Variants in LHFPL2 observed in about 807,000 individuals in gnomAD.
LHFPL2 encodes LHFPL tetraspan subfamily member 2 protein.
In LHFPL2, 7 loss-of-function variants were observed where a neutral mutation model predicts 17.5. The observed-to-expected ratio is 0.40, with a 90% confidence interval of 0.23 to 0.75. The LOEUF (loss-of-function observed/expected upper bound fraction) is 0.75. LHFPL2 is among the 30% of genes least tolerant of loss of function. LHFPL2 has a pLI of 0.37. For synonymous variants in LHFPL2, 134 were observed against 116.2 expected (o/e 1.15, Z -0.99); for missense variants, 241 against 294.8 (o/e 0.82, Z 1.34).
At chr5:78,556,490 A>G (rs1756574890) in intron 3 of LHFPL2, among the ~76,000 whole-genome samples, 1 of 152,228 alleles carries the variant, frequency 6.6e-6, no homozygotes. Flanking sequence ...TTAGGGGGAC[A>G]TACAATGGGT....
chr5:78,637,807 C>A (rs1745508370), intron 1 of LHFPL2, among the ~76,000 whole-genome samples: 1 of 152,208 alleles, frequency 6.6e-6, no homozygotes, highest in Admixed American at 6.5e-5. Flanking sequence ...GTATCAGAGT[C>A]TGTATTTTAA....
chr5:78,510,087 C>A lies in LHFPL2; in HGVS notation c.127G>T (p.Gly43Cys). The A allele has an allele frequency of 1.2e-6, 2 of 1,612,592 alleles. No individual in the cohort carries two copies. The highest frequency in any genetic ancestry group is 1.7e-6 in the Non-Finnish European group (2 of 1,179,408). Residue 43 changes from glycine (G) to cysteine (C), a missense_variant, in exon 4 of 5, where the codon GGC becomes TGC. Coordinates refer to ENST00000380345, the MANE Select transcript of LHFPL2 (RefSeq NM_005779.3). ...WLIGKARSRG[G>C]VEPAGPGGGS... ...CCGCCCGGGCCCGCCGGCTCCACGC[C>A]GCCGCGGCTCCTCGCTTTCCCGATC...
chr5:78,501,626 C>G (rs1754777235), intron 4 of LHFPL2, among the ~76,000 whole-genome samples: 1 of 152,180 alleles, frequency 6.6e-6, no homozygotes, highest in Non-Finnish European at 1.5e-5. Flanking sequence ...AGTTGCTATT[C>G]ACAGACGTGA....
At chr5:78,645,591 CAT>C (rs1554062310) in intron 1 of LHFPL2, among the ~76,000 whole-genome samples, 34 of 126,682 alleles carry the variant, frequency 2.7e-4, no homozygotes, top group African/African-American at 8.7e-4. Context: ...CACACACACA[CAT>C]TTTTTTTGAG....
chr5:78,622,086 G>T (rs1390414182), intron 2 of LHFPL2, among the ~76,000 whole-genome samples: 2 of 152,074 alleles, frequency 1.3e-5, no homozygotes, highest in Non-Finnish European at 2.9e-5. Context: ...TAAAAGCATA[G>T]GAAGCCCCGG....
intron 1 of LHFPL2, among the ~76,000 whole-genome samples, chr5:78,646,168 A>G (rs144257345): frequency 6.6e-6 from 1 of 152,312 alleles, no homozygotes; most frequent in Non-Finnish European, 1.5e-5. Flanking sequence ...TGCCTGCACT[A>G]CAAACTCCCT....
chr5:78,529,029 C>T (rs1755701092), intron 3 of LHFPL2, among the ~76,000 whole-genome samples: 1 of 152,026 alleles, frequency 6.6e-6, no homozygotes, highest in Non-Finnish European at 1.5e-5. Flanking sequence ...CCTGTAATCC[C>T]ACCACTTTGA....
rs1754277264 is a variant in LHFPL2, at chr5:78,487,210, T to TCA, written c.*1685_*1686dup. ...CCTTAATCTGTGAGAAGATGGTTTC[T>TCA]CATATAGGCCAAACACCAGAATGTA... On this transcript the variant is annotated 3_prime_UTR_variant, in exon 5 of 5. Coordinates refer to ENST00000380345, the MANE Select transcript of LHFPL2 (RefSeq NM_005779.3). The TCA allele has an allele frequency of 6.6e-6, 1 of 152,200 alleles. No homozygotes were observed. Among genetic ancestry groups the TCA allele is most frequent in the South Asian group, 2.1e-4 (1 of 4,832 alleles). 9.4% of individuals were successfully genotyped at this position (152,200 alleles called of 1,614,324 possible).
At chr5:78,514,527 G>A (rs1028975225) in intron 3 of LHFPL2, among the ~76,000 whole-genome samples, 1 of 152,204 alleles carries the variant, frequency 6.6e-6, no homozygotes, top group African/African-American at 2.4e-5. Context: ...CAGTAGAGCT[G>A]AGCCGGGGTT....
intron 1 of LHFPL2, chr5:78,642,145 T>C (rs952711129): frequency 2.0e-5 from 3 of 152,136 alleles, no homozygotes; most frequent in Non-Finnish European, 2.9e-5. Context: ...CTCTGGTCTC[T>C]CTTCCTTTTC....
Position 78,609,450 on chromosome 5 carries a change from C to CAAAAAAAAAAAAAA in LHFPL2, c.-245+22800_-245+22813dup, listed in dbSNP as rs71613975. Among the ~76,000 whole-genome samples the CAAAAAAAAAAAAAA allele has an allele frequency of 6.1e-4, 25 of 40,676 alleles. 2 individuals carry two copies. Among genetic ancestry groups the CAAAAAAAAAAAAAA allele is most frequent in the African/African-American group, 2.1e-3 (25 of 11,678 alleles). 26.7% of individuals were successfully genotyped at this position (40,676 alleles called of 152,430 possible). ...TGGGAAACAGAGCGAGACTCAGTCT[C>CAAAAAAAAAAAAAA]AAAAAAAAAAAAAAAAAAAAAAAAA... is the stretch of plus-strand genomic sequence containing the variant. On this transcript the variant is annotated intron_variant, in intron 2 of 4. Coordinates refer to ENST00000380345, the MANE Select transcript of LHFPL2 (RefSeq NM_005779.3).
At position 78,616,828 on chromosome 5, in the gene LHFPL2, G is replaced by A. The variant is rs1259553214; in HGVS notation, c.-245+15436C>T. On this transcript the variant is annotated intron_variant, in intron 2 of 4. Transcript: ENST00000380345. ...GACAACCTGGACTGGTTTGCATTTCGGCAGAGATCTGCAAAAAGACAGCTT... is the reference window on the plus strand; with the variant it reads ...GACAACCTGGACTGGTTTGCATTTCAGCAGAGATCTGCAAAAAGACAGCTT... 5.3e-5 allele frequency among the ~76,000 whole-genome samples: 8 copies of A among 152,046 alleles called. No individual in the cohort carries two copies. In the East Asian group the frequency reaches 5.8e-4, roughly 11 times the overall value.
intron 4 of LHFPL2, among the ~76,000 whole-genome samples, chr5:78,503,040 G>A (rs554908875): frequency 0.011 from 182 of 17,036 alleles, no homozygotes; most frequent in African/African-American, 0.042. Flanking sequence ...AAGCTACTGG[G>A]AAGACCATCT....
At chr5:78,620,816 A>G (rs1042845316) in intron 2 of LHFPL2, among the ~76,000 whole-genome samples, 1 of 152,246 alleles carries the variant, frequency 6.6e-6, no homozygotes, top group Admixed American at 6.5e-5. Flanking sequence ...AAGCAGCTCC[A>G]AACTATTCTC....
intron 3 of LHFPL2, among the ~76,000 whole-genome samples, chr5:78,529,326 C>A (rs1266198269): frequency 2.6e-5 from 4 of 152,126 alleles, no homozygotes; most frequent in Non-Finnish European, 5.9e-5. Flanking sequence ...CAGACCAACA[C>A]CTGGAATCCT....
At chr5:78,579,940 T>G (rs533337963) in intron 2 of LHFPL2, among the ~76,000 whole-genome samples, 3,661 of 152,278 alleles carry the variant, frequency 0.024, 139 homozygotes, top group African/African-American at 0.081. Flanking sequence ...TTCCACAATG[T>G]TTGAACTAGT....
chr5:78,611,032 G>A (rs1042064859), intron 2 of LHFPL2, among the ~76,000 whole-genome samples: 2 of 151,850 alleles, frequency 1.3e-5, no homozygotes, highest in African/African-American at 4.8e-5. Context: ...TTACTGAGAA[G>A]GGAAAAAAAA....
intron 3 of LHFPL2, among the ~76,000 whole-genome samples, chr5:78,561,048 T>C (rs1039243811): frequency 6.6e-6 from 1 of 152,230 alleles, no homozygotes; most frequent in Non-Finnish European, 1.5e-5. Flanking sequence ...AAATTATTAA[T>C]GGAATTTGTA....
intron 2 of LHFPL2, among the ~76,000 whole-genome samples, chr5:78,602,561 T>C (rs1043259337): frequency 3.9e-5 from 6 of 152,180 alleles, no homozygotes; most frequent in African/African-American, 1.4e-4. Context: ...ACACCTCCCA[T>C]AGGGGAGTGA....
Sources: gnomAD v4.1 joint callset for allele counts (sites outside exome capture counted in the v4.1 genomes callset) on GRCh38, gnomAD v4.1.1 for gene constraint, MANE v1.5 for transcripts, NCBI Gene and HGNC (gene_info 2026-07-23, HGNC 2026-07-21) for gene names.